The following KCNIP4 variants were observed in gnomAD, a reference collection of about 807,000 sequenced individuals.
KCNIP4 encodes Kv channel-interacting protein 4.
KCNIP4 carries 12 observed loss-of-function variants against 34.0 expected under a neutral mutation model. That is an observed-to-expected ratio of 0.35 (90% CI 0.23 to 0.57). KCNIP4 has a LOEUF of 0.57. Among genes scored for constraint, KCNIP4 ranks in the 20% least tolerant of loss-of-function variants. KCNIP4 has a pLI of 0.83. For missense variants in KCNIP4, 238 were observed against 311.7 expected (o/e 0.76, Z 1.78); for synonymous variants, 124 against 102.2 (o/e 1.21, Z -1.29).
chr4:21,809,433 CTG>C (rs1578017403), intron 1 of KCNIP4, among the ~76,000 whole-genome samples: 1 of 152,208 alleles, frequency 6.6e-6, no homozygotes, highest in East Asian at 1.9e-4. Context: ...AGATGGCAGA[CTG>C]TGGAATTTCT....
At chr4:21,219,118 T>C (rs1026634684) in intron 1 of KCNIP4, among the ~76,000 whole-genome samples, 4 of 152,136 alleles carry the variant, frequency 2.6e-5, no homozygotes, top group Admixed American at 2.0e-4. Context: ...GTGAACAAAA[T>C]ATGCAACCCA....
At chr4:21,895,812 T>C (rs988703956) in intron 1 of KCNIP4, among the ~76,000 whole-genome samples, 2 of 152,206 alleles carry the variant, frequency 1.3e-5, no homozygotes, top group African/African-American at 4.8e-5. Flanking sequence ...CCTTCCCCTG[T>C]ACTCTCCCAA....
chr4:21,170,449 T>G (rs1442167701), intron 1 of KCNIP4, among the ~76,000 whole-genome samples: 1 of 152,180 alleles, frequency 6.6e-6, no homozygotes, highest in African/African-American at 2.4e-5. Flanking sequence ...TATTTGGGAT[T>G]GTCAGCAAAC....
intron 2 of KCNIP4, among the ~76,000 whole-genome samples, chr4:20,878,034 A>G (rs999372131): frequency 1.3e-5 from 2 of 151,844 alleles, no homozygotes; most frequent in African/African-American, 4.8e-5. Context: ...GACCTATAAG[A>G]GCTCCCTCAA....
chr4:21,142,997 GA>G (rs971885259), intron 1 of KCNIP4, among the ~76,000 whole-genome samples: 32 of 151,088 alleles, frequency 2.1e-4, no homozygotes, highest in Non-Finnish European at 3.4e-4. Flanking sequence ...ATACCTGCAA[GA>G]AAAAAAAATT....
intron 1 of KCNIP4, among the ~76,000 whole-genome samples, chr4:21,086,936 T>TTCTTTCC (rs1746490754): frequency 6.8e-6 from 1 of 147,134 alleles, no homozygotes; most frequent in African/African-American, 2.6e-5. Flanking sequence ...TCCTTCTTTC[T>TTCTTTCC]TTCTTTCTCC....
At chr4:21,693,487 C>G (rs1711918386) in intron 1 of KCNIP4, among the ~76,000 whole-genome samples, 1 of 151,970 alleles carries the variant, frequency 6.6e-6, no homozygotes, top group Non-Finnish European at 1.5e-5. Flanking sequence ...GATTAAAACC[C>G]AGGAGGTGGA....
chr4:21,778,224 CTTTTTTTTTTTCTTTTT>C (rs1719314620), intron 1 of KCNIP4, among the ~76,000 whole-genome samples: 1 of 102,390 alleles, frequency 9.8e-6, no homozygotes, highest in Non-Finnish European at 1.9e-5. Flanking sequence ...TCCTTTTTTC[CTTTTTTTTTTTCTTTTT>C]TTTTTTTTTT....
rs578093231 is a variant in KCNIP4, at chr4:21,034,169, C to T, written c.62-151460G>A. 5.9e-5 allele frequency among the ~76,000 whole-genome samples: 9 copies of T among 152,228 alleles called. No individual in the cohort carries two copies. The East Asian group carries it at 1.7e-3, about 29-fold the overall frequency. ...GAGAAAAGAAAGAAATTTTTTACAT[C>T]TCATTATTAGGATTCAGTGCACACT... On this transcript the variant is annotated intron_variant, in intron 1 of 8. Transcript: ENST00000382152.
At chr4:21,822,881 C>A (rs28726212) in intron 1 of KCNIP4, among the ~76,000 whole-genome samples, 72,349 of 151,830 alleles carry the variant, frequency 0.48, 18,123 homozygotes, top group East Asian at 0.65. Flanking sequence ...CCATGCCCAG[C>A]TAATTTTTGT....
At chr4:21,122,596 T>G (rs1164371094) in intron 1 of KCNIP4, among the ~76,000 whole-genome samples, 1 of 152,168 alleles carries the variant, frequency 6.6e-6, no homozygotes, top group Non-Finnish European at 1.5e-5. Flanking sequence ...AGTTCTGAAT[T>G]TGTTTGATAT....
chr4:21,092,841 G>T (rs1436464762), intron 1 of KCNIP4, among the ~76,000 whole-genome samples: 1 of 152,166 alleles, frequency 6.6e-6, no homozygotes, highest in Non-Finnish European at 1.5e-5. Flanking sequence ...TGTTGTACAT[G>T]ACTACATATA....
intron 1 of KCNIP4, among the ~76,000 whole-genome samples, chr4:21,513,021 A>C (rs1213570972): frequency 6.6e-6 from 1 of 152,094 alleles, no homozygotes; most frequent in Non-Finnish European, 1.5e-5. Context: ...GCGGAAGATA[A>C]ATGCTGTTAC....
At chr4:20,825,225 G>GTT (rs71181592) in intron 3 of KCNIP4, among the ~76,000 whole-genome samples, 2,288 of 113,436 alleles carry the variant, frequency 0.02, 110 homozygotes, top group South Asian at 0.062. Context: ...TCAATTTTAC[G>GTT]TTTTTTTTTT....
intron 1 of KCNIP4, among the ~76,000 whole-genome samples, chr4:21,348,732 C>T (rs1717709628): frequency 6.6e-6 from 1 of 152,188 alleles, no homozygotes; most frequent in Non-Finnish European, 1.5e-5. Context: ...TTATTCATTA[C>T]ACATTTATTG....
chr4:21,066,539 G>C (rs1744404422), intron 1 of KCNIP4, among the ~76,000 whole-genome samples: 1 of 149,888 alleles, frequency 6.7e-6, no homozygotes, highest in Non-Finnish European at 1.5e-5. Flanking sequence ...CTCATCCCCT[G>C]GCATGTATTG....
chr4:21,070,951 A>G (rs1343122612), intron 1 of KCNIP4, among the ~76,000 whole-genome samples: 3 of 152,174 alleles, frequency 2.0e-5, no homozygotes, highest in African/African-American at 4.8e-5. Context: ...CTGGAATTAC[A>G]GGCTTGAGCC....
chr4:21,413,409 T>A (rs770866347), intron 1 of KCNIP4, among the ~76,000 whole-genome samples: 14 of 152,188 alleles, frequency 9.2e-5, no homozygotes, highest in Non-Finnish European at 2.1e-4. Flanking sequence ...TGCTTAAACC[T>A]AATTGAGTTG....
At chr4:21,662,611 T>G (rs1748536892) in intron 1 of KCNIP4, among the ~76,000 whole-genome samples, 1 of 152,236 alleles carries the variant, frequency 6.6e-6, no homozygotes, top group Admixed American at 6.5e-5. Flanking sequence ...TCATATAATT[T>G]TGTTTTGTGG....
Sources: gnomAD v4.1 joint callset for allele counts (sites outside exome capture counted in the v4.1 genomes callset) on GRCh38, gnomAD v4.1.1 for gene constraint, MANE v1.5 for transcripts, NCBI Gene and HGNC (gene_info 2026-07-23, HGNC 2026-07-21) for gene names.